AGAP1: variants seen among roughly 807,000 people sequenced by gnomAD.
The protein encoded by AGAP1 is arf-GAP with GTPase, ANK repeat and PH domain-containing protein 1.
AGAP1 carries 29 observed loss-of-function variants against 105.3 expected under a neutral mutation model. The observed-to-expected ratio is 0.28, with a 90% CI of 0.21 to 0.38. The LOEUF (loss-of-function observed/expected upper bound fraction) is 0.38. AGAP1 is among the 10% of genes least tolerant of loss of function. The pLI, the probability that AGAP1 is intolerant of heterozygous loss-of-function variation, is 1.00. For missense variants in AGAP1, 998 were observed against 1,165.1 expected, an observed-to-expected ratio of 0.86 and a Z score of 2.09; for synonymous variants, 509 against 485.9, an observed-to-expected ratio of 1.05 and a Z score of -0.63.
chr2:235,524,981 A>G (rs1055032996), intron 1 of AGAP1, among the ~76,000 whole-genome samples: 4 of 152,194 alleles, frequency 2.6e-5, no homozygotes, highest in African/African-American at 9.6e-5. Context: ...AAAATATATC[A>G]TGTGTTCCTC....
intron 16 of AGAP1, among the ~76,000 whole-genome samples, chr2:236,098,618 TC>T (rs1467393636): frequency 9.2e-5 from 8 of 87,028 alleles, no homozygotes; most frequent in African/African-American, 3.1e-4. Flanking sequence ...AATCTTTTTT[TC>T]CTTTTTTTTT....
At chr2:235,853,755 G>C (rs971990417) in intron 9 of AGAP1, among the ~76,000 whole-genome samples, 1 of 150,396 alleles carries the variant, frequency 6.6e-6, no homozygotes, top group African/African-American at 2.5e-5. Context: ...GAACAAATGA[G>C]GTCATTTTTG....
intron 1 of AGAP1, among the ~76,000 whole-genome samples, chr2:235,629,087 G>C (rs1469598181): frequency 6.6e-6 from 1 of 152,122 alleles, no homozygotes; most frequent in African/African-American, 2.4e-5. Flanking sequence ...TGGGATTATA[G>C]GTGTGAGCCA....
intron 9 of AGAP1, among the ~76,000 whole-genome samples, chr2:235,831,632 C>A (rs147613613): frequency 6.6e-6 from 1 of 152,216 alleles, no homozygotes; most frequent in Admixed American, 6.5e-5. Context: ...CTTTCCATGG[C>A]TCAGTAGCTC....
rs57069910 is a variant in AGAP1 at position 235,721,477 on chromosome 2, A to ATGTGTGTGTGTGTGTGTGTG, written c.310+3841_310+3860dup. Among the ~76,000 whole-genome samples, 3 of 149,730 alleles carry ATGTGTGTGTGTGTGTGTGTG rather than the reference A, an allele frequency of 2.0e-5. No individual in the cohort carries two copies. The South Asian group carries it at 6.5e-4, about 33-fold the overall frequency. On this transcript the variant is annotated intron_variant, in intron 3 of 17. Transcript: ENST00000304032. This position sits in a 1 kb window ranked among gnomAD's most constrained non-coding sequence, Gnocchi z 4.5. ...TTGGATTGACAGATTCCTTAATATT[A>ATGTGTGTGTGTGTGTGTGTG]TGTGTGTGTGTGTGTGTGTGTGTGT...
intron 1 of AGAP1, among the ~76,000 whole-genome samples, chr2:235,583,457 G>T (rs576695543): frequency 1.3e-5 from 2 of 152,020 alleles, no homozygotes; most frequent in East Asian, 1.9e-4. Flanking sequence ...GCTTCAGGCC[G>T]GTGGTTGTTG....
chr2:235,820,970 T>C (rs1005740021), intron 9 of AGAP1, among the ~76,000 whole-genome samples: 1 of 152,232 alleles, frequency 6.6e-6, no homozygotes, highest in Non-Finnish European at 1.5e-5. Flanking sequence ...CCCAGTCTTC[T>C]TGAAGGGCAA....
chr2:236,040,646 C>T lies in AGAP1; in HGVS notation c.1801-105C>T. The T allele has an allele frequency of 1.1e-6, 1 of 928,244 alleles. No individual in the cohort carries two copies. The highest frequency in any genetic ancestry group is 3.1e-5 in the East Asian group (1 of 32,032). 57.5% of individuals were successfully genotyped at this position (928,244 alleles called of 1,614,324 possible). On this transcript the variant is annotated intron_variant, in intron 14 of 17. Transcript: ENST00000304032. The surrounding 1 kb of genome is among the most constrained non-coding windows in gnomAD (Gnocchi z 5.6). ...GTGATTGTTTAGAAATTACCCTCGT[C>T]CTACATTTGCTCCCAATCTGTTTGA...
chr2:235,880,455 T>A (rs1673079392), intron 9 of AGAP1, among the ~76,000 whole-genome samples: 1 of 151,854 alleles, frequency 6.6e-6, no homozygotes, highest in South Asian at 2.1e-4. Flanking sequence ...CTGAAATGAA[T>A]GACGGAAAAA....
chr2:235,919,084 C>T lies in AGAP1; in HGVS notation c.1324+10178C>T, dbSNP rs548392398. On this transcript the variant is annotated intron_variant, in intron 11 of 17. Coordinates refer to ENST00000304032, the MANE Select transcript of AGAP1 (RefSeq NM_001037131.3). The surrounding 1 kb of genome is among the most constrained non-coding windows in gnomAD (Gnocchi z 4.1). ...TGTTTCAGCTGCTGAACTGATGCTTCCGAGACCAGCGAAGTGGTCTGCAGG... is the reference window on the plus strand; with the variant it reads ...TGTTTCAGCTGCTGAACTGATGCTTTCGAGACCAGCGAAGTGGTCTGCAGG... Among the ~76,000 whole-genome samples the T allele has an allele frequency of 8.3e-4, 126 of 152,220 alleles. No homozygotes were observed. The highest frequency in any genetic ancestry group is 3.0e-3 in the African/African-American group (123 of 41,546).
At position 235,677,358 on chromosome 2, in the gene AGAP1, T is replaced by C. The variant is rs569316620; in HGVS notation, c.164-31821T>C. 3.3e-3 allele frequency among the ~76,000 whole-genome samples: 499 copies of C among 152,232 alleles called. 2 individuals carry two copies. The highest frequency in any genetic ancestry group is 0.011 in the African/African-American group (462 of 41,548). ...CTCATTCAGTACCAGGGTGTACCAGTGAGAGGCTTGTGAAGGGATTGTTTC... is the reference window on the plus strand; with the variant it reads ...CTCATTCAGTACCAGGGTGTACCAGCGAGAGGCTTGTGAAGGGATTGTTTC... On this transcript the variant is annotated intron_variant, in intron 1 of 17. Transcript: ENST00000304032.
chr2:235,889,984 A>G lies in AGAP1; in HGVS notation c.1155+6535A>G, dbSNP rs1055122285. Reference sequence around the variant, plus strand: ...TTGGGTTCTGTGAAGTCTTGACCCCAGCCATCACCCACAGCCACATCTCCC... The same window carrying G: ...TTGGGTTCTGTGAAGTCTTGACCCCGGCCATCACCCACAGCCACATCTCCC... On this transcript the variant is annotated intron_variant, in intron 10 of 17. Transcript: ENST00000304032. This position sits in a 1 kb window ranked among gnomAD's most constrained non-coding sequence, Gnocchi z 4.6. Among the ~76,000 whole-genome samples the G allele has an allele frequency of 3.3e-5, 5 of 152,102 alleles. No individual in the cohort carries two copies. Among genetic ancestry groups the G allele is most frequent in the African/African-American group, 4.8e-5 (2 of 41,436 alleles).
chr2:235,739,762 G>A lies in AGAP1; in HGVS notation c.311-1201G>A, dbSNP rs1575283350. ...GGTAGCTGCCCGTCTGGAGGGCCTC[G>A]GACACTTTCAGGCTGGGATGGGGAC... On this transcript the variant is annotated intron_variant, in intron 3 of 17. Coordinates refer to ENST00000304032, the MANE Select transcript of AGAP1 (RefSeq NM_001037131.3). This position sits in a 1 kb window ranked among gnomAD's most constrained non-coding sequence, Gnocchi z 5.3. Among the ~76,000 whole-genome samples the A allele has an allele frequency of 1.3e-5, 2 of 152,288 alleles. No individual in the cohort carries two copies. Among genetic ancestry groups the A allele is most frequent in the South Asian group, 2.1e-4 (1 of 4,824 alleles).
At chr2:235,495,917 G>T (rs1192537985) in intron 1 of AGAP1, among the ~76,000 whole-genome samples, 1 of 152,236 alleles carries the variant, frequency 6.6e-6, no homozygotes, top group Non-Finnish European at 1.5e-5. Flanking sequence ...AGACTGGCCG[G>T]TAAGACCTCT....
rs1355705701 is a variant in AGAP1, at chr2:236,056,756, G to C, written c.2114+7475G>C. 6.6e-6 allele frequency among the ~76,000 whole-genome samples: 1 copy of C among 152,290 alleles called. No individual in the cohort carries two copies. Among genetic ancestry groups the C allele is most frequent in the Non-Finnish European group, 1.5e-5 (1 of 68,024 alleles). On this transcript the variant is annotated intron_variant, in intron 16 of 17. Transcript: ENST00000304032. This position sits in a 1 kb window ranked among gnomAD's most constrained non-coding sequence, Gnocchi z 4.6. ...ACATGGCCGGAGCACACAGCGCCCT[G>C]TGTGCTTGGATTATCCCCATTCCCA...
chr2:235,495,242 G>C (rs1175477538), intron 1 of AGAP1, among the ~76,000 whole-genome samples: 3 of 151,996 alleles, frequency 2.0e-5, no homozygotes, highest in Non-Finnish European at 4.4e-5. Flanking sequence ...GCTGGACGTT[G>C]AAGACGTGTT....
chr2:235,849,495 G>T (rs1961910327), intron 9 of AGAP1, among the ~76,000 whole-genome samples: 1 of 152,172 alleles, frequency 6.6e-6, no homozygotes, highest in Non-Finnish European at 1.5e-5. Flanking sequence ...CTGCAGTGGA[G>T]GACAGGTTTG....
chr2:236,120,331 C>T lies in AGAP1; in HGVS notation c.2254C>T (p.Leu752=). ...GGACCTGCGGACGGCCATCCTGCTG[C>T]TGGCACACGGCTCCCGGGACGAGGT... ...DEDLRTAILL[L]AHGSRDEVNE... is the part of the protein sequence containing the mutation. The change falls in exon 17 of 18, where the codon CTG becomes TTG. Residue 752 remains leucine (L), a synonymous_variant. Coordinates refer to ENST00000304032, the MANE Select transcript of AGAP1 (RefSeq NM_001037131.3). The surrounding 1 kb of genome is among the most constrained non-coding windows in gnomAD (Gnocchi z 6.0). 3 of 1,612,360 alleles carry T rather than the reference C, an allele frequency of 1.9e-6. No individual in the cohort carries two copies. Among genetic ancestry groups the T allele is most frequent in the Non-Finnish European group, 2.5e-6 (3 of 1,179,682 alleles).
chr2:236,099,373 T>C (rs2059284785), intron 16 of AGAP1, among the ~76,000 whole-genome samples: 1 of 151,588 alleles, frequency 6.6e-6, no homozygotes, highest in South Asian at 2.1e-4. Flanking sequence ...GAGAATGGCA[T>C]GAACCCAGGA....
Sources: allele counts gnomAD v4.1 joint callset (sites outside exome capture counted in the v4.1 genomes callset), GRCh38; gene constraint gnomAD v4.1.1; non-coding constraint Gnocchi (gnomAD v3.1); transcripts MANE v1.5; gene names NCBI Gene and HGNC (gene_info 2026-07-23, HGNC 2026-07-21).